PRKCB: variants seen among roughly 807,000 people sequenced by gnomAD.
PRKCB encodes the protein protein kinase C beta.
A neutral mutation model predicts 81.5 loss-of-function variants in PRKCB; 13 were observed. That is an observed-to-expected ratio of 0.16 (90% CI 0.10 to 0.25). The LOEUF is 0.25. PRKCB is among the 10% of genes least tolerant of loss of function. The pLI, the probability that PRKCB is intolerant of heterozygous loss-of-function variation, is 1.00. For synonymous variants in PRKCB, 335 were observed against 321.4 expected, an observed-to-expected ratio of 1.04 and a Z score of -0.45; for missense variants, 509 against 875.7, an observed-to-expected ratio of 0.58 and a Z score of 5.29.
intron 3 of PRKCB, among the ~76,000 whole-genome samples, chr16:24,022,331 G>T (rs554742800): frequency 1.3e-5 from 2 of 152,122 alleles, no homozygotes; most frequent in Admixed American, 1.3e-4. Flanking sequence ...CAGGCCTGGT[G>T]TAAGACAATA....
At chr16:24,158,225 A>G (rs1967193406) in intron 10 of PRKCB, among the ~76,000 whole-genome samples, 1 of 152,196 alleles carries the variant, frequency 6.6e-6, no homozygotes. Context: ...CATTGAGTGA[A>G]ATGCTCCAAT....
In PRKCB at chr16:23,836,331, C is replaced by T; in HGVS notation, c.156C>T (p.His52=). ...RFFKQPTFCS[H]CTDFIWGFGK... is the part of the protein sequence containing the mutation. ...TCAAGCAGCCCACCTTCTGCAGCCA[C>T]TGCACCGACTTCATCTGGTGAGCGC... Residue 52 remains histidine, a synonymous_variant, in exon 1 of 17, where the codon CAC becomes CAT. Transcript: ENST00000643927. 1 of 1,602,834 alleles carries T rather than the reference C, an allele frequency of 6.2e-7. No homozygotes were observed. Among genetic ancestry groups the T allele is most frequent in the Admixed American group, 1.7e-5 (1 of 59,638 alleles).
At position 24,055,589 on chromosome 16, in the gene PRKCB, C is replaced by G. The variant is rs146132998; in HGVS notation, c.529+20042C>G. On this transcript the variant is annotated intron_variant, in intron 5 of 16. Coordinates refer to ENST00000643927, the MANE Select transcript of PRKCB (RefSeq NM_002738.7). ...GATCAATGCTCCTTTGATTTCATTTCTTCTTTCCAGACGAATCCACTGTCT... is the reference window on the plus strand; with the variant it reads ...GATCAATGCTCCTTTGATTTCATTTGTTCTTTCCAGACGAATCCACTGTCT... 2.2e-4 allele frequency among the ~76,000 whole-genome samples: 33 copies of G among 152,344 alleles called. No individual in the cohort carries two copies. The East Asian group carries it at 6.2e-3, about 28-fold the overall frequency.
At chr16:24,182,009 G>T (rs1161748142) in intron 13 of PRKCB, among the ~76,000 whole-genome samples, 1 of 152,004 alleles carries the variant, frequency 6.6e-6, no homozygotes, top group Non-Finnish European at 1.5e-5. Context: ...ATGTATTTGG[G>T]TATTACTTGA....
chr16:23,933,430 T>G (rs985360545), intron 2 of PRKCB, among the ~76,000 whole-genome samples: 16 of 152,188 alleles, frequency 1.1e-4, no homozygotes, highest in African/African-American at 3.9e-4. Flanking sequence ...GCTCTTCTGT[T>G]AATTCAAGCC....
chr16:24,206,840 G>A (rs909890161), intron 16 of PRKCB, among the ~76,000 whole-genome samples: 3 of 152,222 alleles, frequency 2.0e-5, no homozygotes, highest in Admixed American at 2.0e-4. Flanking sequence ...ATGCTGCTCG[G>A]CAGAGGATCT....
Position 24,191,414 on chromosome 16 carries a change from G to C in PRKCB, c.1863+184G>C, listed in dbSNP as rs907548307. 7 of 628,182 alleles carry C rather than the reference G, an allele frequency of 1.1e-5. No individual in the cohort carries two copies. The African/African-American group carries it at 1.3e-4, about 12-fold the overall frequency. 38.9% of individuals were successfully genotyped at this position (628,182 alleles called of 1,614,324 possible). On this transcript the variant is annotated intron_variant, in intron 16 of 16. Transcript: ENST00000643927. ...AAGATGGACATTTTCCATTGGCCCA[G>C]CTTAGTCTCTATAAAGATGGAAACG...
intron 5 of PRKCB, among the ~76,000 whole-genome samples, chr16:24,066,639 C>T (rs564669709): frequency 6.6e-5 from 10 of 150,882 alleles, no homozygotes; most frequent in Non-Finnish European, 8.9e-5. Context: ...TTTTTTTTCA[C>T]GATATTCTTA....
At position 24,180,775 on chromosome 16, in the gene PRKCB, T is replaced by G. The variant is rs1374090137; in HGVS notation, c.1395-15T>G. ...AGCGTTTAATTAAATCTCTAAATTC[T>G]TGTGTCTGCCATAGTGACCTAAAAC... On this transcript the variant is annotated splice_polypyrimidine_tract_variant and intron_variant, in intron 12 of 16. Coordinates refer to ENST00000643927, the MANE Select transcript of PRKCB (RefSeq NM_002738.7). The G allele has an allele frequency of 1.9e-6, 3 of 1,612,152 alleles. No homozygotes were observed. The highest frequency in any genetic ancestry group is 2.5e-6 in the Non-Finnish European group (3 of 1,178,862).
intron 11 of PRKCB, among the ~76,000 whole-genome samples, chr16:24,173,441 C>T (rs1967477000): frequency 6.6e-6 from 1 of 152,136 alleles, no homozygotes; most frequent in Non-Finnish European, 1.5e-5. Flanking sequence ...GTGGCTCCTA[C>T]CCAGTTCAGC....
At chr16:23,906,481 T>C (rs1963563624) in intron 2 of PRKCB, among the ~76,000 whole-genome samples, 1 of 152,202 alleles carries the variant, frequency 6.6e-6, no homozygotes, top group Non-Finnish European at 1.5e-5. Flanking sequence ...TGATTTATTA[T>C]GGATTTTTTA....
At chr16:24,195,595 T>C (rs1967866666) in intron 16 of PRKCB, among the ~76,000 whole-genome samples, 1 of 152,228 alleles carries the variant, frequency 6.6e-6, no homozygotes. Flanking sequence ...CCATCTTTTA[T>C]TGTGGCAAGG....
At chr16:23,867,243 A>T (rs1047808609) in intron 2 of PRKCB, among the ~76,000 whole-genome samples, 1 of 152,000 alleles carries the variant, frequency 6.6e-6, no homozygotes. Context: ...CTCCTGCCTT[A>T]GCCTCCTTAG....
At chr16:24,120,748 T>C (rs77110862) in intron 8 of PRKCB, among the ~76,000 whole-genome samples, 1 of 149,186 alleles carries the variant, frequency 6.7e-6, no homozygotes, top group African/African-American at 2.5e-5. Context: ...TTTTTTTTTC[T>C]TTTAAGACAG....
intron 2 of PRKCB, among the ~76,000 whole-genome samples, chr16:23,961,927 G>A (rs952089284): frequency 1.1e-4 from 16 of 152,302 alleles, no homozygotes; most frequent in Non-Finnish European, 1.6e-4. Flanking sequence ...GCTAAGGTTA[G>A]AGTTGAGCCC....
chr16:23,878,648 CCG>C (rs1327080985), intron 2 of PRKCB, among the ~76,000 whole-genome samples: 1 of 152,206 alleles, frequency 6.6e-6, no homozygotes, highest in Non-Finnish European at 1.5e-5. Flanking sequence ...TTTTGCCACT[CCG>C]TACATGTCCG....
intron 9 of PRKCB, among the ~76,000 whole-genome samples, chr16:24,132,511 A>G (rs938480635): frequency 5.9e-5 from 9 of 152,188 alleles, no homozygotes; most frequent in Admixed American, 2.6e-4. Context: ...TGAAACTTAT[A>G]TTCTAGTGGT....
intron 2 of PRKCB, among the ~76,000 whole-genome samples, chr16:23,905,473 T>A (rs74012807): frequency 0.11 from 16,490 of 152,212 alleles, 1,022 homozygotes; most frequent in Middle Eastern, 0.19. Context: ...GCATTTTGGG[T>A]AAACAAGGAA....
chr16:23,908,312 A>G (rs1434922251), intron 2 of PRKCB, among the ~76,000 whole-genome samples: 2 of 152,112 alleles, frequency 1.3e-5, no homozygotes, highest in Non-Finnish European at 2.9e-5. Flanking sequence ...GGGAAGTTGC[A>G]TTAGTGGGTG....
Sources: gnomAD v4.1 joint callset for allele counts (sites outside exome capture counted in the v4.1 genomes callset) on GRCh38, gnomAD v4.1.1 for gene constraint, MANE v1.5 for transcripts, NCBI Gene and HGNC (gene_info 2026-07-23, HGNC 2026-07-21) for gene names.